The following APAF1 variants were observed in gnomAD, a reference collection of about 807,000 sequenced individuals.
APAF1 encodes apoptotic peptidase activating factor 1, also known as apoptotic protease-activating factor 1.
In APAF1, 91 loss-of-function variants were observed where a neutral mutation model predicts 152.4. The observed-to-expected ratio is 0.60, with a 90% CI of 0.50 to 0.71. The LOEUF (loss-of-function observed/expected upper bound fraction) is 0.71, where lower values mean the gene tolerates loss of function less well. APAF1 is among the 30% of genes least tolerant of loss of function. The pLI, the probability that APAF1 is intolerant of heterozygous loss-of-function variation, is 0.00. For missense variants in APAF1, 1,283 were observed against 1,472.0 expected, an observed-to-expected ratio of 0.87 and a Z score of 2.10; for synonymous variants, 484 against 494.1, an observed-to-expected ratio of 0.98 and a Z score of 0.27.
chr12:98,708,671 G>A lies in APAF1; in HGVS notation c.2808G>A (p.Met936Ile), dbSNP rs745954515. The change falls in exon 20 of 27, where the codon ATG becomes ATA. Residue 936 changes from methionine (M) to isoleucine (I), a missense_variant. Transcript: ENST00000551964. ...VDVVFQENEVMVLAVDHIRRL... is the reference protein window; with the variant it reads ...VDVVFQENEVIVLAVDHIRRL... ...TTGTGTTTCAAGAAAATGAAGTGAT[G>A]GTCCTTGCAGTTGACCATATAAGAC... 1 of 1,613,712 alleles carries A rather than the reference G, an allele frequency of 6.2e-7. No individual in the cohort carries two copies. Among genetic ancestry groups the A allele is most frequent in the Non-Finnish European group, 8.5e-7 (1 of 1,179,806 alleles).
rs1317839488 is a variant in APAF1 at position 98,732,479 on chromosome 12, T to C, written c.3660T>C (p.Leu1220=). The C allele has an allele frequency of 1.2e-6, 2 of 1,608,280 alleles. No individual in the cohort carries two copies. The highest frequency in any genetic ancestry group is 1.7e-6 in the Non-Finnish European group (2 of 1,174,678). Reference sequence around the variant, plus strand: ...CCTTCTACACAAATGGAACCAATCTTAAGAAAATACACGTGTCCCCTGACT... The same window carrying C: ...CCTTCTACACAAATGGAACCAATCTCAAGAAAATACACGTGTCCCCTGACT... ...SQTFYTNGTN[L]KKIHVSPDFK... is the part of the protein sequence containing the mutation. Residue 1220 remains leucine, a synonymous_variant, in exon 27 of 27, where the codon CTT becomes CTC. Transcript: ENST00000551964.
At chr12:98,675,819 A>G (rs2097685872) in intron 12 of APAF1, among the ~76,000 whole-genome samples, 1 of 152,216 alleles carries the variant, frequency 6.6e-6, no homozygotes, top group Non-Finnish European at 1.5e-5. Context: ...ACTAAAGTGT[A>G]ATACTTTGTA....
At chr12:98,699,662 A>T in intron 17 of APAF1, 93 bp downstream of exon 17, 2 of 1,430,220 alleles carry the variant, frequency 1.4e-6, no homozygotes, top group Non-Finnish European at 1.9e-6. Context: ...TCATAAAAAT[A>T]AAGTCTAGCT....
chr12:98,660,783 A>C (rs1271783408), intron 5 of APAF1, among the ~76,000 whole-genome samples: 1 of 152,208 alleles, frequency 6.6e-6, no homozygotes, highest in Non-Finnish European at 1.5e-5. Context: ...GTGGCTCTGC[A>C]CTTTTTAAAA....
At chr12:98,649,314 C>G (rs1025720813) in intron 3 of APAF1, 173 bp from the exon 4 acceptor site, 5 of 838,734 alleles carry the variant, frequency 6.0e-6, no homozygotes, top group Middle Eastern at 6.1e-4. Flanking sequence ...TGTCTTTGCT[C>G]TCTGTTGTCT....
intron 4 of APAF1, among the ~76,000 whole-genome samples, chr12:98,658,307 G>A (rs900153451): frequency 2.6e-5 from 4 of 152,146 alleles, no homozygotes; most frequent in African/African-American, 9.7e-5. Context: ...TAACAATGAT[G>A]ATGATAACAG....
rs1407535320 is a variant in APAF1 at position 98,665,613 on chromosome 12, A to C, written c.1016A>C (p.Glu339Ala). 3.7e-6 allele frequency: 6 copies of C among 1,613,720 alleles called. No individual in the cohort carries two copies. The highest frequency in any genetic ancestry group is 2.2e-5 in the East Asian group (1 of 44,860). The change falls in exon 8 of 27, where the codon GAG becomes GCG. Residue 339 changes from glutamate to alanine, a missense_variant. Glu to Ala is a moderately radical substitution (Grantham distance 107). Transcript: ENST00000551964. ...ALLRDFPNRW[E>A]YYLKQLQNKQ... ...TTACGTGATTTTCCCAATCGCTGGG[A>C]GTACTACCTCAAACAGCTTCAGAAT...
intron 22 of APAF1, among the ~76,000 whole-genome samples, chr12:98,721,994 C>T (rs2097743651): frequency 1.3e-5 from 2 of 152,142 alleles, no homozygotes; most frequent in Non-Finnish European, 2.9e-5. Context: ...TTTTCCCATA[C>T]CTCAGAATTT....
At chr12:98,699,928 CTTT>C (rs1047477721) in intron 17 of APAF1, among the ~76,000 whole-genome samples, 4 of 152,008 alleles carry the variant, frequency 2.6e-5, no homozygotes, top group African/African-American at 4.8e-5. Flanking sequence ...TTCATCACTC[CTTT>C]TTTTTCTTCA....
At chr12:98,720,561 T>C (rs2097741027) in intron 22 of APAF1, among the ~76,000 whole-genome samples, 1 of 152,218 alleles carries the variant, frequency 6.6e-6, no homozygotes, top group African/African-American at 2.4e-5. Flanking sequence ...ATTGTGAACA[T>C]TGAGGTCTAC....
chr12:98,698,942 C>T (rs1246535413), intron 16 of APAF1, among the ~76,000 whole-genome samples: 1 of 152,192 alleles, frequency 6.6e-6, no homozygotes, highest in Non-Finnish European at 1.5e-5. Context: ...TTTTCAGAGA[C>T]TTCCTTATGT....
rs778619034 is a variant in APAF1 at position 98,734,300 on chromosome 12, A to G, written c.*1734A>G. The stretch of plus-strand genomic sequence containing the variant: ...CAGGAAAAATAGCTTTTGACAGGGG[A>G]AAAAACTCAATAACTAGCTATTTTT... On this transcript the variant is annotated 3_prime_UTR_variant, in exon 27 of 27. Coordinates refer to ENST00000551964, the MANE Select transcript of APAF1 (RefSeq NM_181861.2). 2.0e-5 allele frequency: 3 copies of G among 152,106 alleles called. No homozygotes were observed. The highest frequency in any genetic ancestry group is 4.4e-5 in the Non-Finnish European group (3 of 68,012). The allele number at this position is 152,106 out of a possible 1,614,324, so 9.4% of individuals were successfully genotyped here. A position where few individuals can be genotyped will look rare whatever the true frequency, so the allele number is the denominator to read the frequency against.
intron 22 of APAF1, 147 bp downstream of exon 22, chr12:98,715,699 G>A (rs772577644): frequency 3.4e-6 from 3 of 887,456 alleles, no homozygotes; most frequent in Non-Finnish European, 5.4e-6. Context: ...TGAAACCTAT[G>A]GGTGTTTCAT....
chr12:98,716,649 T>C (rs1318236531), intron 22 of APAF1, among the ~76,000 whole-genome samples: 2 of 152,196 alleles, frequency 1.3e-5, no homozygotes, highest in African/African-American at 4.8e-5. Context: ...GTGTTGTTAG[T>C]TTTTATTCAT....
chr12:98,679,759 C>T (rs937386692), intron 13 of APAF1, among the ~76,000 whole-genome samples: 4 of 152,240 alleles, frequency 2.6e-5, no homozygotes, highest in Non-Finnish European at 5.9e-5. Flanking sequence ...CTGGTCCAGC[C>T]ACAGCCTCAC....
At chr12:98,654,258 C>T (rs1286153581) in intron 4 of APAF1, among the ~76,000 whole-genome samples, 1 of 151,968 alleles carries the variant, frequency 6.6e-6, no homozygotes, top group Non-Finnish European at 1.5e-5. Context: ...TCTTTTCTTG[C>T]ATGTATTTAA....
At chr12:98,683,391 C>A in intron 15 of APAF1, 117 bp downstream of exon 15, 1 of 1,023,396 alleles carries the variant, frequency 9.8e-7, no homozygotes, top group Non-Finnish European at 1.5e-6. Flanking sequence ...ATAGAAACTA[C>A]AATAATATAT....
At chr12:98,698,598 C>T (rs962880292) in intron 16 of APAF1, among the ~76,000 whole-genome samples, 5 of 152,120 alleles carry the variant, frequency 3.3e-5, no homozygotes, top group African/African-American at 9.7e-5. Flanking sequence ...GAAAATGTAC[C>T]TGGCCAGAAA....
chr12:98,665,506 A>G, intron 7 of APAF1, 47 bp from the exon 8 acceptor site: 1 of 1,286,310 alleles, frequency 7.8e-7, no homozygotes, highest in Non-Finnish European at 1.1e-6. Context: ...CTTATTAGTG[A>G]CAAAATAGGA....
Sources: gnomAD v4.1 joint callset for allele counts (sites outside exome capture counted in the v4.1 genomes callset) on GRCh38, gnomAD v4.1.1 for gene constraint, MANE v1.5 for transcripts, NCBI Gene and HGNC (gene_info 2026-07-23, HGNC 2026-07-21) for gene names.